The following CMKLR2 variants were observed in gnomAD, a reference collection of about 807,000 sequenced individuals.
CMKLR2 encodes chemerin chemokine-like receptor 2.
CMKLR2 carries 18 observed loss-of-function variants against 23.0 expected under a neutral mutation model. That is an observed-to-expected ratio of 0.78 (90% CI 0.54 to 1.16). The LOEUF (loss-of-function observed/expected upper bound fraction) is 1.16. Ranked by LOEUF, CMKLR2 falls within the 50% of genes most tolerant of loss-of-function variation. CMKLR2 has a pLI of 0.00. For missense variants in CMKLR2, 401 were observed against 412.7 expected (o/e 0.97, Z 0.25); for synonymous variants, 158 against 158.9 (o/e 0.99, Z 0.05).
chr2:206,177,037 C>G lies in CMKLR2; in HGVS notation c.211G>C (p.Val71Leu), dbSNP rs1688251694. The change falls in exon 2 of 2, where the codon GTC (valine) becomes CTC (leucine). Residue 71 changes from valine to leucine, a missense_variant. Val to Leu is a conservative substitution (Grantham distance 32). Coordinates refer to ENST00000621141, the MANE Select transcript of CMKLR2 (RefSeq NM_001389445.1). ...AGATTGAGGAACCACAGAGTGGTGACTGTCTTCTTCCACTTGAACCCCGTG... is the reference window on the plus strand; with the variant it reads ...AGATTGAGGAACCACAGAGTGGTGAGTGTCTTCTTCCACTTGAACCCCGTG... The part of the protein sequence containing the change: ...WFTGFKWKKT[V>L]TTLWFLNLAI... 1 of 1,614,190 alleles carries G rather than the reference C, an allele frequency of 6.2e-7. No homozygotes were observed.
rs1366506728 is a variant in CMKLR2, at chr2:206,176,852, G to T, written c.396C>A (p.Ser132Arg). 1.2e-6 allele frequency: 2 copies of T among 1,614,182 alleles called. No individual in the cohort carries two copies. The highest frequency in any genetic ancestry group is 1.7e-5 in the Admixed American group (1 of 60,014). ...FASVFFLTVI[S>R]LDHYIHLIHP... ...GGATCAAGTGGATATAGTGGTCCAG[G>T]CTGATCACTGTCAGGAAAAAAACAC... The change falls in exon 2 of 2, where the codon AGC (serine) becomes AGA (arginine). Residue 132 changes from serine to arginine, a missense_variant. Physicochemically the swap from Ser to Arg is moderately radical, Grantham distance 110. Transcript: ENST00000621141.
Position 206,176,390 on chromosome 2 carries a change from G to T in CMKLR2, c.858C>A (p.Ile286=). 6.2e-7 allele frequency: 1 copy of T among 1,614,152 alleles called. No homozygotes were observed. The highest frequency in any genetic ancestry group is 1.1e-5 in the South Asian group (1 of 91,080). The change falls in exon 2 of 2, where the codon ATC becomes ATA. Residue 286 remains isoleucine (I), a synonymous_variant. Coordinates refer to ENST00000621141, the MANE Select transcript of CMKLR2 (RefSeq NM_001389445.1). ...GGAATGCCAAACCAGTGGAGAGGGG[G>T]ATTCCAGCCTGCATCACATGGTGGG... The part of the protein sequence containing the change: ...SYSHHVMQAG[I]PLSTGLAFLN...
At position 206,176,549 on chromosome 2, in the gene CMKLR2, C is replaced by T. The variant is rs1205849756; in HGVS notation, c.699G>A (p.Val233=). The T allele has an allele frequency of 6.2e-7, 1 of 1,614,084 alleles. No homozygotes were observed. ...SICYLCLIFK[V]KKRSILISSR... ...TGGAGATCAGGATGCTTCGCTTCTTCACCTTGAAGATGAGACACAAGTAGC... is the reference window on the plus strand; with the variant it reads ...TGGAGATCAGGATGCTTCGCTTCTTTACCTTGAAGATGAGACACAAGTAGC... The change falls in exon 2 of 2, where the codon GTG becomes GTA. Residue 233 remains valine (V), a synonymous_variant. Coordinates refer to ENST00000621141, the MANE Select transcript of CMKLR2 (RefSeq NM_001389445.1).
rs201014131 is a variant in CMKLR2 at position 206,176,865 on chromosome 2, A to C, written c.383T>G (p.Leu128Arg). The C allele has an allele frequency of 1.0e-4, 167 of 1,614,134 alleles. No individual in the cohort carries two copies. The highest frequency in any genetic ancestry group is 1.4e-4 in the Non-Finnish European group (160 of 1,180,044). Residue 128 changes from leucine (L) to arginine (R), a missense_variant, in exon 2 of 2, where the codon CTG (leucine) becomes CGG (arginine). Transcript: ENST00000621141. ...QLNMFASVFF[L>R]TVISLDHYIH... ...ATAGTGGTCCAGGCTGATCACTGTC[A>C]GGAAAAAAACACTGGCAAACATGTT...
At position 206,176,634 on chromosome 2, in the gene CMKLR2, A is replaced by C; in HGVS notation, c.614T>G (p.Val205Gly). ...DPDLTLIRHH[V>G]LTWVKFIIGY... ...AATGATAAATTTCACCCAAGTCAGA[A>C]CATGGTGCCTGATCAAAGTGAGGTC... Residue 205 changes from valine (V) to glycine (G), a missense_variant, in exon 2 of 2, where the codon GTT becomes GGT. Physicochemically the swap from Val to Gly is moderately radical, Grantham distance 109. Coordinates refer to ENST00000621141, the MANE Select transcript of CMKLR2 (RefSeq NM_001389445.1). 6.2e-7 allele frequency: 1 copy of C among 1,614,188 alleles called. No homozygotes were observed. Among genetic ancestry groups the C allele is most frequent in the Non-Finnish European group, 8.5e-7 (1 of 1,180,036 alleles).
intron 1 of CMKLR2, among the ~76,000 whole-genome samples, chr2:206,206,755 T>C (rs1215755785): frequency 3.3e-5 from 5 of 152,170 alleles, no homozygotes; most frequent in Admixed American, 2.0e-4. Flanking sequence ...ATAGTATTTA[T>C]TGAAGGAAAG....
At chr2:206,214,995 C>A (rs1689708405), upstream of CMKLR2, among the ~76,000 whole-genome samples, 1 of 152,072 alleles carries the variant, frequency 6.6e-6, no homozygotes, top group South Asian at 2.1e-4. Flanking sequence ...ATTGTTAGGC[C>A]ATGAAAGGTC....
intron 1 of CMKLR2, among the ~76,000 whole-genome samples, chr2:206,180,806 G>A (rs916096592): frequency 2.7e-5 from 4 of 150,012 alleles, no homozygotes; most frequent in African/African-American, 4.9e-5. Context: ...CCAAGCTGGA[G>A]TGCAGTGGTA....
At chr2:206,209,824 AT>A (rs1689479896) in intron 1 of CMKLR2, among the ~76,000 whole-genome samples, 1 of 145,868 alleles carries the variant, frequency 6.9e-6, no homozygotes, top group Non-Finnish European at 1.5e-5. Flanking sequence ...AATTTTTTGT[AT>A]TTTTAGTAGA....
At chr2:206,205,969 G>T (rs1689302824) in intron 1 of CMKLR2, among the ~76,000 whole-genome samples, 1 of 152,146 alleles carries the variant, frequency 6.6e-6, no homozygotes, top group African/African-American at 2.4e-5. Flanking sequence ...AAAGTGCTGG[G>T]ATTACAGGCA....
chr2:206,187,300 A>G (rs1340274519), intron 1 of CMKLR2, among the ~76,000 whole-genome samples: 1 of 152,222 alleles, frequency 6.6e-6, no homozygotes, highest in Non-Finnish European at 1.5e-5. Context: ...ATAAAATAAA[A>G]AAAAGAATGA....
chr2:206,177,035 G>C lies in CMKLR2; in HGVS notation c.213C>G (p.Val71=), dbSNP rs1385787816. The change falls in exon 2 of 2, where the codon GTC becomes GTG. Residue 71 remains valine (V), a synonymous_variant. Transcript: ENST00000621141. The part of the protein sequence containing the change: ...WFTGFKWKKT[V]TTLWFLNLAI... ...CTAGATTGAGGAACCACAGAGTGGT[G>C]ACTGTCTTCTTCCACTTGAACCCCG... The C allele has an allele frequency of 3.7e-6, 6 of 1,614,088 alleles. No individual in the cohort carries two copies. The South Asian group carries it at 6.6e-5, about 18-fold the overall frequency.
intron 1 of CMKLR2, among the ~76,000 whole-genome samples, chr2:206,208,638 T>G (rs1689427047): frequency 6.6e-6 from 1 of 151,914 alleles, no homozygotes; most frequent in South Asian, 2.1e-4. Context: ...TATAAATATA[T>G]GTAACTTTTT....
At chr2:206,207,727 C>CTTTTTTTTTT (rs1559098514) in intron 1 of CMKLR2, among the ~76,000 whole-genome samples, 2 of 29,834 alleles carry the variant, frequency 6.7e-5, no homozygotes, top group African/African-American at 4.2e-4. Flanking sequence ...GACCTCAGGG[C>CTTTTTTTTTT]CTTTTTTTTT....
intron 1 of CMKLR2, among the ~76,000 whole-genome samples, chr2:206,191,669 C>CT (rs66802286): frequency 0.013 from 1,687 of 128,990 alleles, 33 homozygotes; most frequent in African/African-American, 0.04. Context: ...ACTTCTCTTT[C>CT]TTTTTTTTTT....
intron 1 of CMKLR2, chr2:206,203,570 G>T (rs1025984589): frequency 6.6e-6 from 1 of 152,188 alleles, no homozygotes; most frequent in Non-Finnish European, 1.5e-5. Context: ...ATGGTGGCGC[G>T]CCCAGAGGGC....
intron 1 of CMKLR2, among the ~76,000 whole-genome samples, chr2:206,209,988 G>A (rs1219908750): frequency 1.4e-5 from 2 of 141,782 alleles, no homozygotes; most frequent in Non-Finnish European, 3.0e-5. Flanking sequence ...TTCAGAGACA[G>A]AGTCTCACTC....
chr2:206,205,235 A>G (rs1012332631), intron 1 of CMKLR2, among the ~76,000 whole-genome samples: 3 of 152,232 alleles, frequency 2.0e-5, no homozygotes, highest in Admixed American at 6.5e-5. Flanking sequence ...TCAATCTTTT[A>G]TTTATTTAAG....
chr2:206,217,111 G>A (rs79220028), upstream of CMKLR2, among the ~76,000 whole-genome samples: 1,059 of 151,914 alleles, frequency 7.0e-3, 23 homozygotes, highest in East Asian at 0.041. Context: ...AAATCTATCC[G>A]GAACAAAAGC....
Sources: gnomAD v4.1 joint callset for allele counts (sites outside exome capture counted in the v4.1 genomes callset) on GRCh38, gnomAD v4.1.1 for gene constraint, MANE v1.5 for transcripts, NCBI Gene and HGNC (gene_info 2026-07-23, HGNC 2026-07-21) for gene names.